Variants in RBM47 observed in about 807,000 individuals in gnomAD.
RBM47 encodes the protein RNA binding motif protein 47, also known as RNA-binding protein 47.
In RBM47, 21 loss-of-function variants were observed where a neutral mutation model predicts 47.1. The ratio of observed to expected loss-of-function variants is 0.45; its 90% CI spans 0.32 to 0.64. The LOEUF is 0.64. Ranked by LOEUF, RBM47 falls within the 30% of genes least tolerant of loss-of-function variation. The probability of loss-of-function intolerance (pLI) is 0.05; values close to 1 mark genes in which losing one functional copy is unlikely to be tolerated. For missense variants in RBM47, 708 were observed against 870.9 expected, an observed-to-expected ratio of 0.81 and a Z score of 2.35; for synonymous variants, 375 against 361.7, an observed-to-expected ratio of 1.04 and a Z score of -0.42.
At chr4:40,489,536 T>C (rs1262964369) in intron 2 of RBM47, among the ~76,000 whole-genome samples, 1 of 152,084 alleles carries the variant, frequency 6.6e-6, no homozygotes, top group Non-Finnish European at 1.5e-5. Context: ...AAAGAAATAC[T>C]ATGAACAATT....
At chr4:40,607,459 C>A (rs1398975827) in intron 1 of RBM47, among the ~76,000 whole-genome samples, 1 of 152,108 alleles carries the variant, frequency 6.6e-6, no homozygotes, top group Non-Finnish European at 1.5e-5. Context: ...GTAATCCCAG[C>A]ACTTTAAGAG....
At chr4:40,460,271 T>C (rs781261096) in intron 3 of RBM47, among the ~76,000 whole-genome samples, 2 of 151,982 alleles carry the variant, frequency 1.3e-5, no homozygotes. Flanking sequence ...GCTTCTGCTA[T>C]ACTGTCTCAG....
chr4:40,592,971 ATATATATATTTTTTTTTTT>A (rs1734359338), intron 1 of RBM47, among the ~76,000 whole-genome samples: 1 of 22,806 alleles, frequency 4.4e-5, no homozygotes, highest in Non-Finnish European at 7.1e-5. Flanking sequence ...ATATATATAT[ATATATATATTTTTTTTTTT>A]TTTTTTTTTT....
intron 1 of RBM47, among the ~76,000 whole-genome samples, chr4:40,587,710 G>A (rs1457737270): frequency 3.9e-5 from 6 of 152,234 alleles, no homozygotes; most frequent in Admixed American, 1.3e-4. Context: ...GATAATGGGC[G>A]TCATAACACC....
At chr4:40,619,861 G>C (rs925482886) in intron 1 of RBM47, among the ~76,000 whole-genome samples, 1 of 152,118 alleles carries the variant, frequency 6.6e-6, no homozygotes, top group Non-Finnish European at 1.5e-5. Context: ...TGGGTACTTC[G>C]TATCCAGTGT....
rs34186378 is a variant in RBM47, at chr4:40,446,738, C to CAA, written c.-31-7816_-31-7815dup. On this transcript the variant is annotated intron_variant, in intron 3 of 6. Transcript: ENST00000295971. ...TAGGTGACAGAGCAAGACCCAGTCT[C>CAA]AAAAAAAAAAAAAAAAAAAAAAGGA... Among the ~76,000 whole-genome samples the CAA allele has an allele frequency of 6.8e-3, 516 of 76,158 alleles. 8 individuals carry two copies. Among genetic ancestry groups the CAA allele is most frequent in the African/African-American group, 0.022 (364 of 16,660 alleles). 50.0% of individuals were successfully genotyped at this position (76,158 alleles called of 152,430 possible). A position where few individuals can be genotyped will look rare whatever the true frequency, so the allele number is the denominator to read the frequency against.
At chr4:40,524,591 C>T (rs1726521668) in intron 2 of RBM47, among the ~76,000 whole-genome samples, 2 of 152,204 alleles carry the variant, frequency 1.3e-5, no homozygotes, top group African/African-American at 4.8e-5. Flanking sequence ...CATTCGGACT[C>T]AGAAAAGGAT....
At chr4:40,568,262 CA>C (rs35839949) in intron 1 of RBM47, among the ~76,000 whole-genome samples, 6,802 of 150,620 alleles carry the variant, frequency 0.045, 533 homozygotes, top group African/African-American at 0.15. Flanking sequence ...CCATTCTCTA[CA>C]AAAAAAACAC....
Position 40,438,656 on chromosome 4 carries a change from G to T in RBM47, c.238C>A (p.Arg80Ser). The change falls in exon 4 of 7, where the codon CGC becomes AGC. Residue 80 changes from arginine (R) to serine (S), a missense_variant. Coordinates refer to ENST00000295971, the MANE Select transcript of RBM47 (RefSeq NM_001098634.2). ...GCEVFVGKIP[R>S]DVYEDELVPV... ...ACCAGCTCGTCCTCGTACACGTCGCGCGGGATCTTGCCCACGAAGACCTCG... is the reference window on the plus strand; with the variant it reads ...ACCAGCTCGTCCTCGTACACGTCGCTCGGGATCTTGCCCACGAAGACCTCG... 6.2e-7 allele frequency: 1 copy of T among 1,612,358 alleles called. No homozygotes were observed. The highest frequency in any genetic ancestry group is 8.5e-7 in the Non-Finnish European group (1 of 1,179,058).
intron 2 of RBM47, among the ~76,000 whole-genome samples, chr4:40,507,409 T>C (rs1400877691): frequency 2.0e-5 from 3 of 152,168 alleles, no homozygotes; most frequent in African/African-American, 7.2e-5. Context: ...AAAAAAAAAT[T>C]CAAAAATTGC....
chr4:40,468,927 G>A (rs1229145061), intron 2 of RBM47, among the ~76,000 whole-genome samples: 1 of 152,194 alleles, frequency 6.6e-6, no homozygotes, highest in African/African-American at 2.4e-5. Flanking sequence ...AGTACAAGAA[G>A]GTGTGTCTTG....
rs567633586 is a variant in RBM47, at chr4:40,551,032, C to G, written c.-239-6526G>C. Among the ~76,000 whole-genome samples, 25 of 152,256 alleles carry G rather than the reference C, an allele frequency of 1.6e-4. 1 individual carries two copies. The South Asian group carries it at 4.8e-3, about 29-fold the overall frequency. ...CTAGGTTCACTGAACAAGCTGCCCT[C>G]TTGTGGTTCTGATATATTTCCTGAG... is the stretch of plus-strand genomic sequence containing the variant. On this transcript the variant is annotated intron_variant, in intron 1 of 6. Transcript: ENST00000295971.
intron 2 of RBM47, among the ~76,000 whole-genome samples, chr4:40,506,835 T>G (rs1724161223): frequency 6.6e-5 from 10 of 152,184 alleles, no homozygotes; most frequent in Admixed American, 6.5e-4. Context: ...CTCTCCAATT[T>G]TCCTTCAAAA....
chr4:40,453,833 G>A (rs1305010624), intron 3 of RBM47, among the ~76,000 whole-genome samples: 3 of 150,370 alleles, frequency 2.0e-5, no homozygotes, highest in Non-Finnish European at 4.4e-5. Context: ...TGCTCTCAGA[G>A]GTCAAATTTT....
At position 40,438,147 on chromosome 4, in the gene RBM47, G is replaced by A. The variant is rs1186446230; in HGVS notation, c.747C>T (p.Tyr249=). Reference sequence around the variant, plus strand: ...TGGTCTCGATCATGAGGTTGCGCACGTAGAGGATCTTCACGGTCTCCATCA... The same window carrying A: ...TGGTCTCGATCATGAGGTTGCGCACATAGAGGATCTTCACGGTCTCCATCA... ...EDVMETVKIL[Y]VRNLMIETTE... The change falls in exon 4 of 7, where the codon TAC becomes TAT. Residue 249 remains tyrosine (Y), a synonymous_variant. Coordinates refer to ENST00000295971, the MANE Select transcript of RBM47 (RefSeq NM_001098634.2). The A allele has an allele frequency of 6.2e-7, 1 of 1,612,490 alleles. No individual in the cohort carries two copies. Among genetic ancestry groups the A allele is most frequent in the Non-Finnish European group, 8.5e-7 (1 of 1,180,024 alleles).
intron 2 of RBM47, among the ~76,000 whole-genome samples, chr4:40,479,669 T>C (rs948539745): frequency 4.6e-5 from 7 of 151,962 alleles, no homozygotes; most frequent in Non-Finnish European, 1.0e-4. Flanking sequence ...CCTTGGTTTA[T>C]TTACTCATTT....
intron 2 of RBM47, among the ~76,000 whole-genome samples, chr4:40,500,740 A>G (rs1322419388): frequency 2.0e-5 from 3 of 152,188 alleles, no homozygotes; most frequent in Non-Finnish European, 4.4e-5. Flanking sequence ...AATTTTACCA[A>G]ATGAATTAGA....
At chr4:40,426,175 G>C in intron 6 of RBM47, 32 bp from the exon 7 acceptor site, 1 of 1,607,402 alleles carries the variant, frequency 6.2e-7, no homozygotes, top group Non-Finnish European at 8.5e-7. Context: ...GAGCCTTCCT[G>C]AACACGTGTA....
At chr4:40,504,366 C>T (rs1223870824) in intron 2 of RBM47, among the ~76,000 whole-genome samples, 2 of 150,000 alleles carry the variant, frequency 1.3e-5, no homozygotes, top group Non-Finnish European at 1.5e-5. Flanking sequence ...TCTCAGCTCA[C>T]TGAAACCTCC....
Sources: allele counts gnomAD v4.1 joint callset (sites outside exome capture counted in the v4.1 genomes callset), GRCh38; gene constraint gnomAD v4.1.1; transcripts MANE v1.5; gene names NCBI Gene and HGNC (gene_info 2026-07-23, HGNC 2026-07-21).